The following NYAP2 variants were observed in gnomAD, a reference collection of about 807,000 sequenced individuals.
NYAP2 encodes the protein neuronal tyrosine-phosphorylated phosphoinositide-3-kinase adaptor 2.
Under a neutral mutation model 50.4 loss-of-function variants are expected in NYAP2, and 23 were observed. That is an observed-to-expected ratio of 0.46 (90% CI 0.33 to 0.65). NYAP2 has a LOEUF of 0.65. NYAP2 is among the 30% of genes least tolerant of loss of function. NYAP2 has a pLI of 0.02. For missense variants in NYAP2, 885 were observed against 861.0 expected (o/e 1.03, Z -0.35); for synonymous variants, 394 against 365.2 (o/e 1.08, Z -0.90).
intron 3 of NYAP2, among the ~76,000 whole-genome samples, chr2:225,496,235 G>T (rs966655305): frequency 6.6e-6 from 1 of 152,080 alleles, no homozygotes. Context: ...TAAAACTGAG[G>T]TTACAGAGGG....
chr2:225,422,867 T>C (rs1695237041), intron 3 of NYAP2, among the ~76,000 whole-genome samples: 1 of 152,148 alleles, frequency 6.6e-6, no homozygotes, highest in Non-Finnish European at 1.5e-5. Flanking sequence ...TTCTTTTTAA[T>C]GATAGATACT....
chr2:225,427,462 A>G (rs1695304202), intron 3 of NYAP2, among the ~76,000 whole-genome samples: 1 of 152,150 alleles, frequency 6.6e-6, no homozygotes, highest in African/African-American at 2.4e-5. Flanking sequence ...GTATTGCTGG[A>G]CGGGTCACTG....
intron 4 of NYAP2, among the ~76,000 whole-genome samples, chr2:225,551,709 T>C (rs555773076): frequency 6.6e-6 from 1 of 152,204 alleles, no homozygotes; most frequent in Non-Finnish European, 1.5e-5. Context: ...AAGAGGTTGA[T>C]AAAAAAGGTA....
chr2:225,699,635 T>A, the NYAP2 span: 1 of 151,924 alleles, frequency 6.6e-6, no homozygotes, highest in Non-Finnish European at 1.5e-5. Flanking sequence ...AAACTGGTTA[T>A]CACCACATTT....
At chr2:225,424,755 A>G (rs1574607644) in intron 3 of NYAP2, among the ~76,000 whole-genome samples, 1 of 152,264 alleles carries the variant, frequency 6.6e-6, no homozygotes, top group East Asian at 1.9e-4. Flanking sequence ...CTAAAGCAAT[A>G]TGTGGATATA....
intron 6 of NYAP2, among the ~76,000 whole-genome samples, chr2:225,632,538 G>A (rs1239655096): frequency 6.6e-6 from 1 of 152,214 alleles, no homozygotes; most frequent in Non-Finnish European, 1.5e-5. Flanking sequence ...TAAAGCAAAT[G>A]TGTCAGGAGA....
At chr2:225,438,376 A>G (rs545572584) in intron 3 of NYAP2, among the ~76,000 whole-genome samples, 1 of 152,348 alleles carries the variant, frequency 6.6e-6, no homozygotes, top group East Asian at 1.9e-4. Flanking sequence ...AGCTTTATCA[A>G]AGATAGACAC....
rs530052823 is a variant in NYAP2, at chr2:225,569,666, C to T, written c.524-12275C>T. Among the ~76,000 whole-genome samples, 6 of 152,242 alleles carry T rather than the reference C, an allele frequency of 3.9e-5. No homozygotes were observed. The South Asian group carries it at 6.2e-4, about 16-fold the overall frequency. On this transcript the variant is annotated intron_variant, in intron 4 of 6. Transcript: ENST00000636099. ...TTTTAAATGCACAGACTCATTGTCT[C>T]GTTTGATTTTCATAATCAGTCCTAC...
chr2:225,626,954 G>C, exon 6 of NYAP2: 1 of 1,584,074 alleles, frequency 6.3e-7, no homozygotes, highest in Non-Finnish European at 8.6e-7. Flanking sequence ...GCCACAGCAC[G>C]GAGCCATTAC....
intron 4 of NYAP2, among the ~76,000 whole-genome samples, chr2:225,573,985 G>A (rs750201112): frequency 2.0e-5 from 3 of 152,148 alleles, no homozygotes; most frequent in Non-Finnish European, 4.4e-5. Flanking sequence ...TGGCTATCTT[G>A]AAAGACTGTC....
At chr2:225,656,129 G>A (rs1265968053), downstream of NYAP2, among the ~76,000 whole-genome samples, 1 of 152,072 alleles carries the variant, frequency 6.6e-6, no homozygotes, top group African/African-American at 2.4e-5. Flanking sequence ...TTTGGGGGAG[G>A]GAGGTAGGAA....
chr2:225,577,109 G>A (rs541109882), intron 4 of NYAP2, among the ~76,000 whole-genome samples: 1 of 152,054 alleles, frequency 6.6e-6, no homozygotes, highest in East Asian at 1.9e-4. Flanking sequence ...GTGAAAGGAA[G>A]ATCATCTGGG....
chr2:225,442,416 T>A (rs954771869), intron 3 of NYAP2, among the ~76,000 whole-genome samples: 4 of 152,168 alleles, frequency 2.6e-5, no homozygotes, highest in Admixed American at 1.3e-4. Context: ...TACTTTGACT[T>A]TTTTTGAATC....
In NYAP2 at chr2:225,537,530, A is replaced by C. The variant is rs184486671; in HGVS notation, c.523+23858A>C. Reference sequence around the variant, plus strand: ...AATTCCCCCTTATAATAACCATCAGATCTCATGAGACTTATTCACTATCAT... The same window carrying C: ...AATTCCCCCTTATAATAACCATCAGCTCTCATGAGACTTATTCACTATCAT... On this transcript the variant is annotated intron_variant, in intron 4 of 6. Coordinates refer to ENST00000636099, the Ensembl canonical transcript of NYAP2. Among the ~76,000 whole-genome samples the C allele has an allele frequency of 3.0e-4, 46 of 152,204 alleles. 2 individuals carry two copies. In the East Asian group the frequency reaches 8.3e-3, roughly 27 times the overall value.
intron 3 of NYAP2, among the ~76,000 whole-genome samples, chr2:225,487,574 G>A (rs1030348694): frequency 6.6e-6 from 1 of 151,966 alleles, no homozygotes; most frequent in East Asian, 1.9e-4. Context: ...TGGCCAGGCT[G>A]GTCTTGAACT....
chr2:225,504,036 G>A (rs1468048423), intron 3 of NYAP2, among the ~76,000 whole-genome samples: 9 of 152,120 alleles, frequency 5.9e-5, no homozygotes, highest in Admixed American at 5.9e-4. Context: ...TGATGACTGG[G>A]AACAGAAAGA....
intron 5 of NYAP2, among the ~76,000 whole-genome samples, chr2:225,623,707 T>C (rs1693163018): frequency 6.6e-6 from 1 of 152,108 alleles, no homozygotes; most frequent in Non-Finnish European, 1.5e-5. Context: ...CTAAAAATTG[T>C]TGGGTGGGGT....
intron 3 of NYAP2, among the ~76,000 whole-genome samples, chr2:225,494,052 T>C (rs1690458269): frequency 6.6e-6 from 1 of 152,226 alleles, no homozygotes; most frequent in Non-Finnish European, 1.5e-5. Flanking sequence ...TTCTCTCTAG[T>C]TTCACACTCT....
intron 3 of NYAP2, among the ~76,000 whole-genome samples, chr2:225,456,123 A>C (rs1417120295): frequency 6.6e-6 from 1 of 152,234 alleles, no homozygotes; most frequent in African/African-American, 2.4e-5. Flanking sequence ...CATTTGTCAC[A>C]CATTACATTT....
Sources: gnomAD v4.1 joint callset for allele counts (sites outside exome capture counted in the v4.1 genomes callset) on GRCh38, gnomAD v4.1.1 for gene constraint, MANE v1.5 for transcripts, NCBI Gene and HGNC (gene_info 2026-07-23, HGNC 2026-07-21) for gene names.